Variants in SLC25A33 observed in about 807,000 individuals in gnomAD.
SLC25A33 encodes the protein bone marrow stromal cell mitochondrial carrier protein.
SLC25A33 carries 15 observed loss-of-function variants against 35.5 expected under a neutral mutation model. The observed-to-expected ratio is 0.42, with a 90% CI of 0.28 to 0.65. The LOEUF is 0.65. Among genes scored for constraint, SLC25A33 ranks in the 30% least tolerant of loss-of-function variants. SLC25A33 has a pLI of 0.20. For synonymous variants in SLC25A33, 136 were observed against 148.7 expected (o/e 0.91, Z 0.62); for missense variants, 257 against 398.5 (o/e 0.64, Z 3.02).
At chr1:9,555,313 TTTCACCA>T (rs1643326198) in intron 2 of SLC25A33, among the ~76,000 whole-genome samples, 1 of 151,608 alleles carries the variant, frequency 6.6e-6, no homozygotes, top group Non-Finnish European at 1.5e-5. Flanking sequence ...AGAGACGGGG[TTTCACCA>T]TGTTAGCCAG....
In SLC25A33 at chr1:9,572,765, A is replaced by G. The variant is rs562355048; in HGVS notation, c.416-581A>G. Among the ~76,000 whole-genome samples the G allele has an allele frequency of 5.3e-5, 8 of 152,014 alleles. No homozygotes were observed. The South Asian group carries it at 1.5e-3, about 28-fold the overall frequency. On this transcript the variant is annotated intron_variant, in intron 4 of 6. Transcript: ENST00000302692. Reference sequence around the variant, plus strand: ...TTTTGGTTGTCCTAGAATGATTCACAGTGTTAGGTGAGGGAGGTTTGGCTG... The same window carrying G: ...TTTTGGTTGTCCTAGAATGATTCACGGTGTTAGGTGAGGGAGGTTTGGCTG...
intron 1 of SLC25A33, among the ~76,000 whole-genome samples, chr1:9,540,542 G>C (rs978973367): frequency 1.2e-4 from 18 of 152,098 alleles, no homozygotes; most frequent in African/African-American, 4.1e-4. Flanking sequence ...CTCCCGCCGA[G>C]AATAGAAGGT....
intron 2 of SLC25A33, among the ~76,000 whole-genome samples, chr1:9,559,787 C>T (rs1643395041): frequency 6.6e-6 from 1 of 152,160 alleles, no homozygotes; most frequent in South Asian, 2.1e-4. Flanking sequence ...TATTGTACAG[C>T]TTTCTGTTTC....
At chr1:9,546,416 C>A (rs1175195225) in intron 1 of SLC25A33, among the ~76,000 whole-genome samples, 1 of 151,836 alleles carries the variant, frequency 6.6e-6, no homozygotes, top group Admixed American at 6.6e-5. Context: ...GATCTCCTGA[C>A]CTCGTGATCC....
intron 2 of SLC25A33, among the ~76,000 whole-genome samples, chr1:9,565,514 T>G (rs958229365): frequency 3.4e-5 from 5 of 148,468 alleles, no homozygotes; most frequent in Admixed American, 2.7e-4. Context: ...AGACTCTGTC[T>G]CAGAAAAAAA....
At chr1:9,559,348 A>G (rs1313380971) in intron 2 of SLC25A33, among the ~76,000 whole-genome samples, 2 of 152,174 alleles carry the variant, frequency 1.3e-5, no homozygotes, top group African/African-American at 2.4e-5. Flanking sequence ...TGCCTGTCAC[A>G]TAGCAAGCAT....
intron 1 of SLC25A33, among the ~76,000 whole-genome samples, chr1:9,541,540 C>T (rs1253132411): frequency 2.6e-5 from 4 of 152,164 alleles, no homozygotes; most frequent in South Asian, 2.1e-4. Context: ...GATGGCCCAC[C>T]TTGGCCTCCC....
chr1:9,564,382 G>A (rs780098932), intron 2 of SLC25A33, among the ~76,000 whole-genome samples: 17 of 152,064 alleles, frequency 1.1e-4, no homozygotes, highest in Non-Finnish European at 2.4e-4. Context: ...CAAAAAATTA[G>A]GCATAGGATT....
At chr1:9,560,637 C>T (rs1643410064) in intron 2 of SLC25A33, among the ~76,000 whole-genome samples, 1 of 151,882 alleles carries the variant, frequency 6.6e-6, no homozygotes, top group Admixed American at 6.6e-5. Flanking sequence ...TGTCAGAGAA[C>T]AGAATTTGTT....
At chr1:9,565,533 C>A (rs1425325914) in intron 2 of SLC25A33, among the ~76,000 whole-genome samples, 1 of 148,626 alleles carries the variant, frequency 6.7e-6, no homozygotes, top group Non-Finnish European at 1.5e-5. Context: ...AAAAAGGTTA[C>A]AATGGTAGAT....
intron 1 of SLC25A33, among the ~76,000 whole-genome samples, chr1:9,550,221 C>T (rs1333825657): frequency 6.8e-6 from 1 of 147,298 alleles, no homozygotes; most frequent in Non-Finnish European, 1.5e-5. Context: ...AGAGGAAGAC[C>T]TTCTCTCTTT....
chr1:9,542,977 C>G (rs908355236), intron 1 of SLC25A33, among the ~76,000 whole-genome samples: 1 of 151,832 alleles, frequency 6.6e-6, no homozygotes, highest in East Asian at 1.9e-4. Context: ...GCCACCATGC[C>G]CGGCTAATTT....
chr1:9,561,670 TGAG>T (rs1355894720), intron 2 of SLC25A33, among the ~76,000 whole-genome samples: 1 of 152,148 alleles, frequency 6.6e-6, no homozygotes, highest in African/African-American at 2.4e-5. Context: ...CTGAGTCACT[TGAG>T]GACACGAGTT....
intron 1 of SLC25A33, among the ~76,000 whole-genome samples, chr1:9,550,011 A>ATATATATATTTT (rs754618497): frequency 8.2e-5 from 4 of 48,862 alleles, no homozygotes; most frequent in African/African-American, 2.3e-4. Flanking sequence ...ATATATATAT[A>ATATATATATTTT]TTTTTTTTTT....
At position 9,564,166 on chromosome 1, in the gene SLC25A33, CTG is replaced by C. The variant is rs560995515; in HGVS notation, c.237-3114_237-3113del. Among the ~76,000 whole-genome samples the C allele has an allele frequency of 4.5e-3, 692 of 152,302 alleles. 4 individuals are homozygous for C. The highest frequency in any genetic ancestry group is 5.9e-3 in the Non-Finnish European group (404 of 68,024). Reference sequence around the variant, plus strand: ...GAGTAAATTTAACCAACGTGAATAACTGTGTTGCTGCGGAAAAATGCCTCTAA... The same window carrying C: ...GAGTAAATTTAACCAACGTGAATAACTGTTGCTGCGGAAAAATGCCTCTAA... On this transcript the variant is annotated intron_variant, in intron 2 of 6. Transcript: ENST00000302692.
At chr1:9,552,910 CTTTTTTTTTTT>C (rs58092940) in intron 1 of SLC25A33, among the ~76,000 whole-genome samples, 1 of 94,176 alleles carries the variant, frequency 1.1e-5, no homozygotes, top group Non-Finnish European at 2.0e-5. Context: ...GGGATTTCAA[CTTTTTTTTTTT>C]TTTTTTTTTT....
chr1:9,577,608 G>C (rs560764109), intron 5 of SLC25A33, among the ~76,000 whole-genome samples: 3 of 152,312 alleles, frequency 2.0e-5, no homozygotes, highest in Admixed American at 6.5e-5. Flanking sequence ...AATAAGGCTG[G>C]AGGAGCAGGG....
intron 2 of SLC25A33, among the ~76,000 whole-genome samples, chr1:9,561,884 G>T (rs576729679): frequency 1.3e-5 from 2 of 152,088 alleles, no homozygotes; most frequent in South Asian, 2.1e-4. Flanking sequence ...GCCACTTCAG[G>T]GTGTTACTTG....
chr1:9,551,203 T>G (rs1285629441), intron 1 of SLC25A33, among the ~76,000 whole-genome samples: 1 of 151,726 alleles, frequency 6.6e-6, no homozygotes, highest in Admixed American at 6.6e-5. Context: ...GCCAACATAG[T>G]GAAAGCCCAT....
Sources: allele counts gnomAD v4.1 joint callset (sites outside exome capture counted in the v4.1 genomes callset), GRCh38; gene constraint gnomAD v4.1.1; transcripts MANE v1.5; gene names NCBI Gene and HGNC (gene_info 2026-07-23, HGNC 2026-07-21).